Variants in GCN1 observed in about 807,000 individuals in gnomAD.
GCN1 encodes the protein stalled ribosome sensor GCN1.
Under a neutral mutation model 288.4 loss-of-function variants are expected in GCN1, and 90 were observed. That is an observed-to-expected ratio of 0.31 (90% CI 0.26 to 0.37). The LOEUF (loss-of-function observed/expected upper bound fraction) is 0.37, where lower values mean the gene tolerates loss of function less well. GCN1 is among the 10% of genes least tolerant of loss of function. The pLI is 1.00. For missense variants in GCN1, 2,586 were observed against 3,419.9 expected, an observed-to-expected ratio of 0.76 and a Z score of 6.08; for synonymous variants, 1,386 against 1,420.2, an observed-to-expected ratio of 0.98 and a Z score of 0.54.
chr12:120,141,396 A>C (rs1281704667), intron 44 of GCN1, among the ~76,000 whole-genome samples: 6 of 152,186 alleles, frequency 3.9e-5, no homozygotes, highest in Admixed American at 6.5e-5. Context: ...GGAAAAAAAA[A>C]CATCTACTTT....
chr12:120,147,665 ATTTTGAGGTTATTCCACT>A (rs1362887107), intron 37 of GCN1, among the ~76,000 whole-genome samples: 1 of 152,192 alleles, frequency 6.6e-6, no homozygotes, highest in Non-Finnish European at 1.5e-5. Context: ...TGTTTTATGT[ATTTTGAGGTTATTCCACT>A]TTCCAGACTG....
In GCN1 at chr12:120,136,520, G is replaced by A. The variant is rs767121156; in HGVS notation, c.6990C>T (p.Leu2330=). ...WNVKAALLET[L]SLLLAKVGIA... ...CACTCACCTTAGCCAACAAGAGGCT[G>A]AGTGTCTCGAGCAGAGCCGCCTTCA... The change falls in exon 51 of 58, where the codon CTC becomes CTT. Residue 2330 remains leucine (L), a synonymous_variant. Coordinates refer to ENST00000300648, the MANE Select transcript of GCN1 (RefSeq NM_006836.2). 38 of 1,613,676 alleles carry A rather than the reference G, an allele frequency of 2.4e-5. No individual in the cohort carries two copies. The highest frequency in any genetic ancestry group is 3.1e-5 in the Non-Finnish European group (37 of 1,179,658).
chr12:120,157,871 G>A lies in GCN1; in HGVS notation c.3065C>T (p.Thr1022Ile). The A allele has an allele frequency of 6.2e-7, 1 of 1,613,876 alleles. No individual in the cohort carries two copies. Among genetic ancestry groups the A allele is most frequent in the Non-Finnish European group, 8.5e-7 (1 of 1,179,966 alleles). Residue 1022 changes from threonine (T) to isoleucine (I), a missense_variant, in exon 26 of 58, where the codon ACC becomes ATC. This residue lies in a region of GCN1 where 153 missense variants were observed against 252.0 expected (regional missense o/e 0.61). Coordinates refer to ENST00000300648, the MANE Select transcript of GCN1 (RefSeq NM_006836.2). Reference protein sequence around the residue: ...VQAQLRASPNTPPGRVDENGP... With the variant: ...VQAQLRASPNIPPGRVDENGP... Reference sequence around the variant, plus strand: ...AACCTCGTCCACCCGCCCGGGTGGGGTGTTGGGGGAGGCCCTCAGCTGGGC... The same window carrying A: ...AACCTCGTCCACCCGCCCGGGTGGGATGTTGGGGGAGGCCCTCAGCTGGGC...
chr12:120,175,299 G>T, intron 11 of GCN1, 87 bp from the exon 12 acceptor site: 2 of 1,202,294 alleles, frequency 1.7e-6, no homozygotes, highest in Non-Finnish European at 2.5e-6. Context: ...GTGATGCCAC[G>T]ATACGGTTTC....
At position 120,158,151 on chromosome 12, in the gene GCN1, G is replaced by A; in HGVS notation, c.2906-121C>T. The A allele has an allele frequency of 1.1e-6, 1 of 897,916 alleles. No homozygotes were observed. Among genetic ancestry groups the A allele is most frequent in the Non-Finnish European group, 1.7e-6 (1 of 590,068 alleles). 55.6% of individuals were successfully genotyped at this position (897,916 alleles called of 1,614,324 possible). On this transcript the variant is annotated intron_variant, in intron 25 of 57. Transcript: ENST00000300648. The surrounding 1 kb of genome is among the most constrained non-coding windows in gnomAD (Gnocchi z 4.3). ...GGACCAGAGGCCCGTTCTGACACCT[G>A]GAAGCACATGGCACGAGGACAGAGA...
rs115805931 is a variant in GCN1, at chr12:120,134,142, T to G, written c.7317+149A>C. 3 of 595,742 alleles carry G rather than the reference T, an allele frequency of 5.0e-6. No homozygotes were observed. The highest frequency in any genetic ancestry group is 2.9e-5 in the Admixed American group (1 of 34,308). The allele number at this position is 595,742 out of a possible 1,614,324, so 36.9% of individuals were successfully genotyped here. A position where few individuals can be genotyped will look rare whatever the true frequency, so the allele number is the denominator to read the frequency against. On this transcript the variant is annotated intron_variant, in intron 53 of 57. Coordinates refer to ENST00000300648, the MANE Select transcript of GCN1 (RefSeq NM_006836.2). This position sits in a 1 kb window ranked among gnomAD's most constrained non-coding sequence, Gnocchi z 5.0. ...GTTTCCCTTGAAACCCGAGGAAATGTTGGTGAAGCATACAGGGTGATAGAA... is the reference window on the plus strand; with the variant it reads ...GTTTCCCTTGAAACCCGAGGAAATGGTGGTGAAGCATACAGGGTGATAGAA...
chr12:120,138,676 G>A lies in GCN1; in HGVS notation c.6156+19C>T. The A allele has an allele frequency of 1.2e-6, 2 of 1,607,720 alleles. No individual in the cohort carries two copies. The highest frequency in any genetic ancestry group is 1.7e-6 in the Non-Finnish European group (2 of 1,174,870). Reference sequence around the variant, plus strand: ...GCAAAAGCCAAACTGGTAGGTAGGTGTGTGGTAGATCCACTCACCAGCTGC... The same window carrying A: ...GCAAAAGCCAAACTGGTAGGTAGGTATGTGGTAGATCCACTCACCAGCTGC... On this transcript the variant is annotated intron_variant, in intron 46 of 57. Coordinates refer to ENST00000300648, the MANE Select transcript of GCN1 (RefSeq NM_006836.2).
chr12:120,166,120 C>T (rs1325246940), intron 16 of GCN1, among the ~76,000 whole-genome samples: 3 of 146,140 alleles, frequency 2.1e-5, no homozygotes, highest in Non-Finnish European at 3.0e-5. Context: ...TTAAAAATTA[C>T]GGCCAGGCAC....
At chr12:120,174,200 A>G (rs1456077330) in intron 12 of GCN1, 31 bp from the exon 13 acceptor site, 1 of 1,243,024 alleles carries the variant, frequency 8.0e-7, no homozygotes, top group South Asian at 1.2e-5. Flanking sequence ...TCAGTCTCTT[A>G]TCAGCACAGA....
chr12:120,140,597 A>G (rs1877156718), intron 45 of GCN1, among the ~76,000 whole-genome samples: 1 of 152,180 alleles, frequency 6.6e-6, no homozygotes, highest in Admixed American at 6.5e-5. Flanking sequence ...GTTGTAAGAG[A>G]GCGATCATCT....
At position 120,149,588 on chromosome 12, in the gene GCN1, C is replaced by T. The variant is rs769660841; in HGVS notation, c.4546+18G>A. The T allele has an allele frequency of 1.3e-6, 2 of 1,538,630 alleles. No individual in the cohort carries two copies. The highest frequency in any genetic ancestry group is 1.7e-5 in the Admixed American group (1 of 59,880). ...CATAACAGGAAGCTGGGAAGAGAGG[C>T]AGAGCGAGTGGTCTTACCAGCTTTG... On this transcript the variant is annotated intron_variant, in intron 36 of 57. Coordinates refer to ENST00000300648, the MANE Select transcript of GCN1 (RefSeq NM_006836.2).
At position 120,155,406 on chromosome 12, in the gene GCN1, G is replaced by T. The variant is rs1877712403; in HGVS notation, c.3465C>A (p.Asp1155Glu). 6.2e-7 allele frequency: 1 copy of T among 1,613,864 alleles called. No homozygotes were observed. Among genetic ancestry groups the T allele is most frequent in the African/African-American group, 1.3e-5 (1 of 74,928 alleles). The change falls in exon 30 of 58, where the codon GAC becomes GAA. Residue 1155 changes from aspartate to glutamate, a missense_variant. Transcript: ENST00000300648. This position sits in a 1 kb window ranked among gnomAD's most constrained non-coding sequence, Gnocchi z 4.9. ...GCAAGGAGCAGAGGTCTGGCTGCAG[G>T]TCTAGGCCCATCATTGACCAGAGCC... Reference protein sequence around the residue: ...AERLWSMMGLDLQPDLCSLLI... With the variant: ...AERLWSMMGLELQPDLCSLLI...
Position 120,158,030 on chromosome 12 carries a change from C to T in GCN1, c.2906G>A (p.Gly969Asp). The part of the protein sequence containing the change: ...ITSRVGKGEP[G>D]AAPLSAPAFS... ...GGCTGGCGCGGACAAGGGCGCAGCA[C>T]CTGTGAGAGCGAGAAGCAGATAAGA... The change falls in exon 26 of 58, where the codon GGT (glycine) becomes GAT (aspartate). Residue 969 changes from glycine (G) to aspartate (D), a missense_variant and splice_region_variant. Gly to Asp is a moderately conservative substitution (Grantham distance 94, BLOSUM62 -1). This residue lies in a region of GCN1 where 153 missense variants were observed against 252.0 expected (regional missense o/e 0.61). Coordinates refer to ENST00000300648, the MANE Select transcript of GCN1 (RefSeq NM_006836.2). This position sits in a 1 kb window ranked among gnomAD's most constrained non-coding sequence, Gnocchi z 4.3. The T allele has an allele frequency of 6.2e-6, 10 of 1,613,524 alleles. No homozygotes were observed. Among genetic ancestry groups the T allele is most frequent in the Non-Finnish European group, 6.8e-6 (8 of 1,179,798 alleles).
chr12:120,147,084 T>C lies in GCN1; in HGVS notation c.4915A>G (p.Ile1639Val), dbSNP rs1256527592. ...TDTRKMAAQI[I>V]GNMYSLTDQK... Reference sequence around the variant, plus strand: ...TCTGTCAGGGAGTACATGTTGCCAATAATCTGGGCTGCCATCTTCCGCGTG... The same window carrying C: ...TCTGTCAGGGAGTACATGTTGCCAACAATCTGGGCTGCCATCTTCCGCGTG... The change falls in exon 38 of 58, where the codon ATT becomes GTT. Residue 1639 changes from isoleucine (I) to valine (V), a missense_variant. Ile to Val is a conservative substitution (Grantham distance 29, BLOSUM62 3). This residue lies in a region of GCN1 where 371 missense variants were observed against 572.6 expected (regional missense o/e 0.65). Coordinates refer to ENST00000300648, the MANE Select transcript of GCN1 (RefSeq NM_006836.2). 1 of 1,591,074 alleles carries C rather than the reference T, an allele frequency of 6.3e-7. No individual in the cohort carries two copies. The highest frequency in any genetic ancestry group is 8.6e-7 in the Non-Finnish European group (1 of 1,163,592).
At chr12:120,138,242 T>A in intron 47 of GCN1, 81 bp downstream of exon 47, 1 of 1,012,972 alleles carries the variant, frequency 9.9e-7, no homozygotes, top group Non-Finnish European at 1.6e-6. Flanking sequence ...AACATCTACG[T>A]TCAGAACTGG....
chr12:120,128,934 T>C (rs1486297015), intron 57 of GCN1, among the ~76,000 whole-genome samples: 1 of 145,284 alleles, frequency 6.9e-6, no homozygotes, highest in African/African-American at 2.6e-5. Context: ...CTCCGTCTCC[T>C]GGGTTCACGC....
chr12:120,185,876 G>T (rs775091365), intron 2 of GCN1, among the ~76,000 whole-genome samples: 3 of 152,132 alleles, frequency 2.0e-5, no homozygotes, highest in Non-Finnish European at 4.4e-5. Context: ...TAGGATTACA[G>T]GCGTGAGCCA....
intron 5 of GCN1, among the ~76,000 whole-genome samples, chr12:120,180,861 G>A (rs1878633705): frequency 6.6e-6 from 1 of 151,662 alleles, no homozygotes; most frequent in Non-Finnish European, 1.5e-5. Flanking sequence ...ATGGTGGCAG[G>A]CGCCTGTAGT....
intron 57 of GCN1, among the ~76,000 whole-genome samples, chr12:120,128,348 T>G (rs558465319): frequency 6.6e-6 from 1 of 151,960 alleles, no homozygotes; most frequent in South Asian, 2.1e-4. Context: ...CTTTTTTTTT[T>G]TTTGGAGATG....
Sources: gnomAD v4.1 joint callset for allele counts (sites outside exome capture counted in the v4.1 genomes callset) on GRCh38, gnomAD v4.1.1 for gene constraint, gnomAD v4.1.1 regional missense constraint, Gnocchi (gnomAD v3.1) non-coding constraint, MANE v1.5 for transcripts, NCBI Gene and HGNC (gene_info 2026-07-23, HGNC 2026-07-21) for gene names.